SLC67A1: variants seen among roughly 807,000 people sequenced by gnomAD.
SLC67A1 encodes the protein solute carrier family 67 member A1.
At chr11:2,909,812 G>GAT in the SLC67A1 span, 3 of 1,287,040 alleles carry the variant, frequency 2.3e-6, no homozygotes, top group Non-Finnish European at 3.1e-6. Flanking sequence ...TTTTGCTCGT[G>GAT]GGGCGCGAGT....
At chr11:2,906,288 C>G in the SLC67A1 span, among the ~76,000 whole-genome samples, 1 of 152,174 alleles carries the variant, frequency 6.6e-6, no homozygotes, top group Non-Finnish European at 1.5e-5. Context: ...TAAACTAGTT[C>G]AACCATTGTG....
At chr11:2,909,478 TGGGGGG>T in the SLC67A1 span, 1 of 724,214 alleles carries the variant, frequency 1.4e-6, no homozygotes, top group Non-Finnish European at 1.6e-6. Context: ...TGGACGGGGG[TGGGGGG>T]CGACGTGGGG....
chr11:2,904,327 T>C, the SLC67A1 span, among the ~76,000 whole-genome samples: 1 of 152,182 alleles, frequency 6.6e-6, no homozygotes, highest in African/African-American at 2.4e-5. Context: ...GGGATGGGCC[T>C]TTGGCACCAT....
chr11:2,922,516 C>G, the SLC67A1 span: 1 of 1,612,944 alleles, frequency 6.2e-7, no homozygotes, highest in African/African-American at 1.3e-5. Flanking sequence ...ACGTGGTCAC[C>G]GACAGCATGC....
At chr11:2,900,100 C>G in the SLC67A1 span, among the ~76,000 whole-genome samples, 2 of 151,906 alleles carry the variant, frequency 1.3e-5, no homozygotes, top group Non-Finnish European at 2.9e-5. Flanking sequence ...CTGTGCAGTC[C>G]TTCCAGGAAA....
chr11:2,903,872 G>C, the SLC67A1 span: 1 of 205,370 alleles, frequency 4.9e-6, no homozygotes, highest in African/African-American at 2.3e-5. Context: ...TCACCCCTCA[G>C]AGAGGCTCTC....
chr11:2,919,131 G>A, the SLC67A1 span: 17 of 523,084 alleles, frequency 3.2e-5, no homozygotes, highest in South Asian at 9.1e-5. Flanking sequence ...CCAGGGATAC[G>A]GCAGAATCCC....
At chr11:2,924,291 G>T in the SLC67A1 span, among the ~76,000 whole-genome samples, 5 of 152,200 alleles carry the variant, frequency 3.3e-5, no homozygotes, top group Admixed American at 6.5e-5. The surrounding 1 kb of genome is among the most constrained non-coding windows in gnomAD (Gnocchi z 8.6). Context: ...GGGACAGGAG[G>T]GGCAGGTGGA....
the SLC67A1 span, chr11:2,916,669 C>T: frequency 6.2e-7 from 1 of 1,612,948 alleles, no homozygotes; most frequent in South Asian, 1.1e-5. Context: ...CTCCTGGGAG[C>T]TGTCCTCAGC....
the SLC67A1 span, chr11:2,915,390 G>A: frequency 3.4e-6 from 1 of 294,056 alleles, no homozygotes; most frequent in Non-Finnish European, 5.1e-6. Context: ...TTGTTTTTGG[G>A]TGCAAGGGCA....
the SLC67A1 span, chr11:2,909,636 CCGGCTGGGCCTCTGCTTCGGCGT>C: frequency 6.5e-7 from 1 of 1,534,484 alleles, no homozygotes; most frequent in Non-Finnish European, 8.7e-7. Context: ...CGGCCCTGGG[CCGGCTGGGCCTCTGCTTCGGCGT>C]CGGAGTCATC....
the SLC67A1 span, chr11:2,903,435 C>G: frequency 1.2e-5 from 19 of 1,613,046 alleles, no homozygotes; most frequent in Non-Finnish European, 1.6e-5. Context: ...TGCTTACCTA[C>G]GTGCTGGCCG....
chr11:2,913,104 G>A, the SLC67A1 span, among the ~76,000 whole-genome samples: 1 of 152,162 alleles, frequency 6.6e-6, no homozygotes, highest in East Asian at 1.9e-4. Context: ...TGCTGTACAG[G>A]GAAGAGGCTC....
At chr11:2,924,758 C>A in the SLC67A1 span, among the ~76,000 whole-genome samples, 1 of 152,130 alleles carries the variant, frequency 6.6e-6, no homozygotes, top group Non-Finnish European at 1.5e-5. This position sits in a 1 kb window ranked among gnomAD's most constrained non-coding sequence, Gnocchi z 8.6. Flanking sequence ...GGGGAACAGA[C>A]CAGTGGGTAG....
the SLC67A1 span, chr11:2,915,056 T>G: frequency 3.0e-6 from 3 of 985,290 alleles, no homozygotes; most frequent in African/African-American, 5.2e-5. Context: ...GAGTCGGAGC[T>G]GCCCTGATGG....
chr11:2,922,689 GGA>G, the SLC67A1 span: 1 of 539,764 alleles, frequency 1.9e-6, no homozygotes, highest in South Asian at 3.0e-5. Flanking sequence ...TGGGTTGAGT[GGA>G]GTGGGTGGGG....
the SLC67A1 span, chr11:2,921,948 C>CG: frequency 1.5e-6 from 1 of 678,478 alleles, no homozygotes; most frequent in Non-Finnish European, 2.7e-6. Context: ...GGAGAGACCC[C>CG]GGGGCTTGCA....
the SLC67A1 span, among the ~76,000 whole-genome samples, chr11:2,905,859 G>A: frequency 6.6e-6 from 1 of 152,236 alleles, no homozygotes; most frequent in South Asian, 2.1e-4. Flanking sequence ...GGATTGTGCA[G>A]AGAAACGGGG....
the SLC67A1 span, among the ~76,000 whole-genome samples, chr11:2,913,752 T>C: frequency 6.6e-6 from 1 of 152,182 alleles, no homozygotes; most frequent in Non-Finnish European, 1.5e-5. Flanking sequence ...CACCTGTGGG[T>C]TCGCTCCTGG....
Sources: gnomAD v4.1 joint callset for allele counts (sites outside exome capture counted in the v4.1 genomes callset) on GRCh38, gnomAD v4.1.1 for gene constraint, Gnocchi (gnomAD v3.1) non-coding constraint, MANE v1.5 for transcripts, NCBI Gene and HGNC (gene_info 2026-07-23, HGNC 2026-07-21) for gene names.